Variants in RAB31 observed in about 807,000 individuals in gnomAD.
The protein encoded by RAB31 is ras-related protein Rab-31.
Under a neutral mutation model 25.6 loss-of-function variants are expected in RAB31, and 21 were observed. That is an observed-to-expected ratio of 0.82 (90% CI 0.58 to 1.18). The LOEUF is 1.18. Among genes scored for constraint, RAB31 ranks in the 50% most tolerant of loss-of-function variants. The pLI is 0.00. For missense variants in RAB31, 196 were observed against 250.1 expected (o/e 0.78, Z 1.46); for synonymous variants, 87 against 84.0 (o/e 1.04, Z -0.20).
intron 6 of RAB31, among the ~76,000 whole-genome samples, chr18:9,848,983 G>A (rs1376713330): frequency 1.3e-5 from 2 of 152,174 alleles, no homozygotes; most frequent in Admixed American, 1.3e-4. Flanking sequence ...GTTTGGGGTG[G>A]TCTGTGCAGT....
intron 5 of RAB31, among the ~76,000 whole-genome samples, chr18:9,833,740 C>T (rs898035415): frequency 9.9e-5 from 15 of 152,122 alleles, no homozygotes; most frequent in Admixed American, 1.3e-4. Flanking sequence ...TCATTGTGTT[C>T]GTTATGGATA....
At chr18:9,812,528 CCTT>C (rs141732293) in intron 3 of RAB31, among the ~76,000 whole-genome samples, 4,384 of 152,136 alleles carry the variant, frequency 0.029, 220 homozygotes, top group African/African-American at 0.1. Flanking sequence ...ATAAGTGTCT[CCTT>C]ATTTTTATTG....
chr18:9,814,179 C>A, intron 4 of RAB31, 88 bp downstream of exon 4: 1 of 970,760 alleles, frequency 1.0e-6, no homozygotes, highest in Non-Finnish European at 1.6e-6. Flanking sequence ...CTGCTTGCAT[C>A]TTGCCAGTAG....
intron 2 of RAB31, 140 bp downstream of exon 2, chr18:9,775,497 C>T: frequency 1.4e-6 from 2 of 1,447,508 alleles, no homozygotes; most frequent in East Asian, 2.6e-5. Context: ...TGTAGACCGA[C>T]AGAAATTCAG....
intron 3 of RAB31, among the ~76,000 whole-genome samples, chr18:9,808,206 T>A (rs896067719): frequency 6.6e-6 from 1 of 152,010 alleles, no homozygotes; most frequent in Non-Finnish European, 1.5e-5. Context: ...AACAACACAT[T>A]CAAAGAAAAA....
At chr18:9,747,607 C>T (rs954940576) in intron 1 of RAB31, among the ~76,000 whole-genome samples, 4 of 152,128 alleles carry the variant, frequency 2.6e-5, no homozygotes, top group African/African-American at 7.2e-5. Flanking sequence ...AAACCAGACA[C>T]AAAAGGTCAC....
chr18:9,836,545 A>C (rs1011996943), intron 5 of RAB31, among the ~76,000 whole-genome samples: 2 of 152,238 alleles, frequency 1.3e-5, no homozygotes, highest in African/African-American at 4.8e-5. Flanking sequence ...TTGACTTTTT[A>C]TAGTCCCCCC....
chr18:9,781,859 C>T (rs1436155012), intron 2 of RAB31, among the ~76,000 whole-genome samples: 5 of 152,186 alleles, frequency 3.3e-5, no homozygotes, highest in South Asian at 2.1e-4. Flanking sequence ...ACTTTTAAAA[C>T]GTTTGAGTGC....
chr18:9,714,265 C>CG, intron 1 of RAB31, among the ~76,000 whole-genome samples: 1 of 152,144 alleles, frequency 6.6e-6, no homozygotes, highest in Non-Finnish European at 1.5e-5. Context: ...GAGCAGGAGG[C>CG]GGGGGATGGT....
intron 1 of RAB31, among the ~76,000 whole-genome samples, chr18:9,739,428 T>C (rs1218798749): frequency 6.6e-6 from 1 of 152,078 alleles, no homozygotes; most frequent in African/African-American, 2.4e-5. Flanking sequence ...GCCGAGATTG[T>C]GCCACTGCAC....
At chr18:9,828,995 T>C (rs2143104225) in intron 5 of RAB31, among the ~76,000 whole-genome samples, 1 of 152,272 alleles carries the variant, frequency 6.6e-6, no homozygotes, top group East Asian at 1.9e-4. Context: ...CCTGCTGCTG[T>C]CACAGGAGGA....
Position 9,743,409 on chromosome 18 carries a change from A to G in RAB31, c.40-31869A>G, listed in dbSNP as rs114218164. On this transcript the variant is annotated intron_variant, in intron 1 of 6. Transcript: ENST00000578921. ...CCTTAATTCAAATAATAATACCTCA[A>G]TGTTTATATAGTGCCTATCTGAAAA... is the stretch of plus-strand genomic sequence containing the variant. 1.2e-3 allele frequency among the ~76,000 whole-genome samples: 179 copies of G among 152,310 alleles called. 2 individuals carry two copies. The highest frequency in any genetic ancestry group is 4.2e-3 in the African/African-American group (175 of 41,576).
chr18:9,824,269 GATGTGTATGTAGATGTGTGTGT>G (rs2068638098), intron 5 of RAB31, among the ~76,000 whole-genome samples: 1 of 150,610 alleles, frequency 6.6e-6, no homozygotes, highest in Non-Finnish European at 1.5e-5. Context: ...TGTGTGTGTA[GATGTGTATGTAGATGTGTGTGT>G]ATGTGTGTGT....
At chr18:9,736,433 G>A (rs1213075619) in intron 1 of RAB31, among the ~76,000 whole-genome samples, 2 of 152,274 alleles carry the variant, frequency 1.3e-5, no homozygotes, top group African/African-American at 4.8e-5. Context: ...CAGGGTACTG[G>A]ATGCTGGAGT....
intron 2 of RAB31, among the ~76,000 whole-genome samples, chr18:9,777,828 C>T (rs1325101457): frequency 2.1e-5 from 3 of 144,246 alleles, no homozygotes; most frequent in Non-Finnish European, 3.0e-5. Context: ...GATCTTGGCT[C>T]ACTGCAACCT....
Position 9,831,267 on chromosome 18 carries a change from G to A in RAB31, c.381-14315G>A, listed in dbSNP as rs117838550. 9.7e-4 allele frequency among the ~76,000 whole-genome samples: 148 copies of A among 152,282 alleles called. 5 individuals are homozygous for A. The East Asian group carries it at 0.027, about 28-fold the overall frequency. ...GATGCAGAACTATGTTATCTATTTC[G>A]TTGCTCAAACGGTTCCAACTTTGGC... On this transcript the variant is annotated intron_variant, in intron 5 of 6. Coordinates refer to ENST00000578921, the MANE Select transcript of RAB31 (RefSeq NM_006868.4).
intron 1 of RAB31, among the ~76,000 whole-genome samples, chr18:9,721,297 G>C: frequency 6.6e-6 from 1 of 152,112 alleles, no homozygotes; most frequent in East Asian, 1.9e-4. Flanking sequence ...GAAAATAACC[G>C]ATGTAGAGTT....
At chr18:9,835,777 C>T (rs2143116242) in intron 5 of RAB31, among the ~76,000 whole-genome samples, 1 of 151,684 alleles carries the variant, frequency 6.6e-6, no homozygotes, top group East Asian at 2.0e-4. Context: ...AGGTAAAAAT[C>T]CAAGTGTCTG....
intron 1 of RAB31, among the ~76,000 whole-genome samples, chr18:9,749,376 G>A (rs2068222611): frequency 1.3e-5 from 2 of 152,192 alleles, no homozygotes; most frequent in African/African-American, 2.4e-5. Context: ...CGGAGGGAAC[G>A]GAAGTGCAGG....
Sources: gnomAD v4.1 joint callset for allele counts (sites outside exome capture counted in the v4.1 genomes callset) on GRCh38, gnomAD v4.1.1 for gene constraint, MANE v1.5 for transcripts, NCBI Gene and HGNC (gene_info 2026-07-23, HGNC 2026-07-21) for gene names.